Variants in CLMP observed in about 807,000 individuals in gnomAD.
CLMP encodes the protein CXADR-like membrane protein.
Under a neutral mutation model 45.2 loss-of-function variants are expected in CLMP, and 27 were observed. The ratio of observed to expected loss-of-function variants is 0.60; its 90% CI spans 0.44 to 0.82. The LOEUF (loss-of-function observed/expected upper bound fraction) is 0.82. Among genes scored for constraint, CLMP ranks in the 40% least tolerant of loss-of-function variants. The pLI is 0.00. For missense variants in CLMP, 403 were observed against 448.4 expected, an observed-to-expected ratio of 0.90 and a Z score of 0.91; for synonymous variants, 167 against 171.4, an observed-to-expected ratio of 0.97 and a Z score of 0.20.
At chr11:123,083,909 A>T in intron 3 of CLMP, 62 bp from the exon 4 acceptor site, 1 of 1,584,328 alleles carries the variant, frequency 6.3e-7, no homozygotes, top group East Asian at 2.2e-5. Context: ...ACCAGATTCA[A>T]TGGAAAAATT....
intron 1 of CLMP, among the ~76,000 whole-genome samples, chr11:123,108,415 C>T (rs764144532): frequency 6.6e-6 from 1 of 152,174 alleles, no homozygotes; most frequent in Non-Finnish European, 1.5e-5. Context: ...TATCTCCTCC[C>T]ACCCCTCCAA....
chr11:123,122,332 A>C (rs1025048362), intron 1 of CLMP, among the ~76,000 whole-genome samples: 2 of 152,168 alleles, frequency 1.3e-5, no homozygotes, highest in African/African-American at 4.8e-5. Context: ...TTTTGAAAGC[A>C]ACAAAATATT....
chr11:123,132,089 G>C (rs796587994), intron 1 of CLMP, among the ~76,000 whole-genome samples: 5 of 152,146 alleles, frequency 3.3e-5, no homozygotes, highest in African/African-American at 1.2e-4. Context: ...TTTGCGGGGG[G>C]GTCTATGTGT....
chr11:123,150,422 A>G (rs183520757), intron 1 of CLMP, among the ~76,000 whole-genome samples: 105 of 27,766 alleles, frequency 3.8e-3, no homozygotes, highest in Non-Finnish European at 5.7e-3. Flanking sequence ...AAGGTAAGAA[A>G]GAAAGAAAGA....
At chr11:123,144,503 C>T (rs1032072025) in intron 1 of CLMP, among the ~76,000 whole-genome samples, 1 of 152,196 alleles carries the variant, frequency 6.6e-6, no homozygotes, top group Non-Finnish European at 1.5e-5. Flanking sequence ...TCCTGAGTAG[C>T]TGGCATTACA....
At chr11:123,111,128 T>C (rs755035268) in intron 1 of CLMP, among the ~76,000 whole-genome samples, 26 of 152,212 alleles carry the variant, frequency 1.7e-4, no homozygotes, top group Middle Eastern at 3.4e-3. Context: ...ACACAATTTA[T>C]ACAAAAGGTC....
rs747626474 is a variant in CLMP at position 123,097,882 on chromosome 11, C to T, written c.99G>A (p.Leu33=). ...IKRVAEEKVT[L]PCHHQLGLPE... ...GAAGCCCCAGTTGATGGTGGCAGGG[C>T]AAAGTGACCTTTTCCTCTGCCACTC... The change falls in exon 2 of 7, where the codon TTG becomes TTA. Residue 33 remains leucine (L), a synonymous_variant. Coordinates refer to ENST00000448775, the MANE Select transcript of CLMP (RefSeq NM_024769.5). 5.0e-6 allele frequency: 8 copies of T among 1,610,112 alleles called. No individual in the cohort carries two copies. The highest frequency in any genetic ancestry group is 6.8e-6 in the Non-Finnish European group (8 of 1,178,244).
At chr11:123,134,265 A>C (rs1446101792) in intron 1 of CLMP, among the ~76,000 whole-genome samples, 3 of 151,980 alleles carry the variant, frequency 2.0e-5, no homozygotes, top group Admixed American at 6.6e-5. Flanking sequence ...CTTAAAAAAA[A>C]AAAAAGTATG....
At chr11:123,155,233 C>T (rs1361985279) in intron 1 of CLMP, among the ~76,000 whole-genome samples, 1 of 152,208 alleles carries the variant, frequency 6.6e-6, no homozygotes, top group African/African-American at 2.4e-5. Context: ...TGAAGGGGTC[C>T]TCCTGCCTTG....
intron 1 of CLMP, among the ~76,000 whole-genome samples, chr11:123,182,813 T>C (rs909454266): frequency 6.6e-6 from 1 of 152,110 alleles, no homozygotes; most frequent in South Asian, 2.1e-4. Flanking sequence ...AACCGTGAAA[T>C]AACTCAATGC....
intron 1 of CLMP, among the ~76,000 whole-genome samples, chr11:123,158,826 G>T (rs1861448631): frequency 6.6e-6 from 1 of 152,190 alleles, no homozygotes; most frequent in East Asian, 1.9e-4. Flanking sequence ...ACAAAGGGTG[G>T]TGCTAGTGAT....
chr11:123,122,798 CT>C (rs1392592056), intron 1 of CLMP, among the ~76,000 whole-genome samples: 1 of 152,154 alleles, frequency 6.6e-6, no homozygotes, highest in Non-Finnish European at 1.5e-5. Flanking sequence ...TACTTTCCCC[CT>C]CTCTTCCTCC....
intron 1 of CLMP, among the ~76,000 whole-genome samples, chr11:123,162,985 C>T (rs1417830435): frequency 6.6e-6 from 1 of 151,952 alleles, no homozygotes; most frequent in Non-Finnish European, 1.5e-5. Context: ...ATGGCAGATT[C>T]AAGGCAGGAG....
intron 1 of CLMP, among the ~76,000 whole-genome samples, chr11:123,143,155 A>G (rs1220204511): frequency 1.3e-5 from 2 of 152,116 alleles, no homozygotes; most frequent in East Asian, 3.9e-4. Context: ...GCCATCCCCA[A>G]TTATTTAGCC....
chr11:123,100,591 C>A (rs1866044755), intron 1 of CLMP, among the ~76,000 whole-genome samples: 1 of 152,124 alleles, frequency 6.6e-6, no homozygotes. Flanking sequence ...GGCGGCGCCT[C>A]CCTTTCCACT....
At chr11:123,118,624 C>T (rs1265598483) in intron 1 of CLMP, among the ~76,000 whole-genome samples, 1 of 152,168 alleles carries the variant, frequency 6.6e-6, no homozygotes, top group Non-Finnish European at 1.5e-5. Context: ...TGGACTAACC[C>T]AGACTTCCAC....
At chr11:123,186,979 A>G (rs575029574) in intron 1 of CLMP, among the ~76,000 whole-genome samples, 1 of 152,306 alleles carries the variant, frequency 6.6e-6, no homozygotes, top group South Asian at 2.1e-4. Context: ...CCAGATACCC[A>G]TGAACTGACC....
At chr11:123,107,553 T>TC (rs1860579075) in intron 1 of CLMP, among the ~76,000 whole-genome samples, 1 of 149,894 alleles carries the variant, frequency 6.7e-6, no homozygotes, top group Admixed American at 6.7e-5. Context: ...TTTTTTTTTT[T>TC]CAGAAACAGG....
chr11:123,119,230 C>A (rs548757688), intron 1 of CLMP, among the ~76,000 whole-genome samples: 1 of 151,632 alleles, frequency 6.6e-6, no homozygotes, highest in Non-Finnish European at 1.5e-5. Context: ...ATTACAGGCA[C>A]GCGCCACCAC....
Sources: gnomAD v4.1 joint callset for allele counts (sites outside exome capture counted in the v4.1 genomes callset) on GRCh38, gnomAD v4.1.1 for gene constraint, MANE v1.5 for transcripts, NCBI Gene and HGNC (gene_info 2026-07-23, HGNC 2026-07-21) for gene names.